FUBP3: variants seen among roughly 807,000 people sequenced by gnomAD.
FUBP3 encodes the protein far upstream element-binding protein 3.
A neutral mutation model predicts 85.6 loss-of-function variants in FUBP3; 28 were observed. That is an observed-to-expected ratio of 0.33 (90% CI 0.24 to 0.45). The LOEUF (loss-of-function observed/expected upper bound fraction) is 0.45, where lower values mean the gene tolerates loss of function less well. Among genes scored for constraint, FUBP3 ranks in the 20% least tolerant of loss-of-function variants. The pLI is 1.00. For missense variants in FUBP3, 583 were observed against 755.1 expected (o/e 0.77, Z 2.67); for synonymous variants, 271 against 271.4 (o/e 1.00, Z 0.01).
chr9:130,603,742 G>A lies in FUBP3; in HGVS notation c.191-6212G>A, dbSNP rs11791007. On this transcript the variant is annotated intron_variant, in intron 2 of 18. Transcript: ENST00000319725. ...ATGTACAATGCCTGTTACATTCTTC[G>A]CAGCTGTTAATAGGGAAGAAAAGTA... Among the ~76,000 whole-genome samples the A allele has an allele frequency of 1.4e-3, 218 of 152,226 alleles. 1 individual carries two copies. The highest frequency in any genetic ancestry group is 6.8e-3 in the Middle Eastern group (2 of 294).
intron 12 of FUBP3, among the ~76,000 whole-genome samples, chr9:130,628,126 ACC>A (rs374884849): frequency 0.035 from 4,825 of 137,844 alleles, 111 homozygotes; most frequent in Non-Finnish European, 0.049. Context: ...ACACACACAC[ACC>A]CCCTACCCCT....
At chr9:130,595,167 G>C (rs1045858933) in intron 1 of FUBP3, among the ~76,000 whole-genome samples, 1 of 149,896 alleles carries the variant, frequency 6.7e-6, no homozygotes, top group African/African-American at 2.5e-5. Flanking sequence ...CAAAGGTTGC[G>C]GTGAGCCAAG....
At chr9:130,631,025 G>C (rs970943541) in intron 13 of FUBP3, 1 of 681,538 alleles carries the variant, frequency 1.5e-6, no homozygotes, top group Non-Finnish European at 2.0e-6. Context: ...CGCAGCAGCC[G>C]AGGCCCCAGA....
chr9:130,622,358 A>G (rs552135398), intron 9 of FUBP3, among the ~76,000 whole-genome samples: 66 of 146,862 alleles, frequency 4.5e-4, no homozygotes, highest in Non-Finnish European at 7.9e-4. Flanking sequence ...CTGGCCAGAC[A>G]CAGTGGCTCA....
chr9:130,603,762 A>G (rs1831285243), intron 2 of FUBP3, among the ~76,000 whole-genome samples: 1 of 152,248 alleles, frequency 6.6e-6, no homozygotes, highest in Non-Finnish European at 1.5e-5. Context: ...ATAGGGAAGA[A>G]AAGTAGTTGC....
intron 1 of FUBP3, among the ~76,000 whole-genome samples, chr9:130,585,515 G>A (rs1299261831): frequency 1.3e-5 from 2 of 152,138 alleles, no homozygotes; most frequent in East Asian, 3.8e-4. Flanking sequence ...TTGATCTATA[G>A]GCTGTTTAAA....
At position 130,579,655 on chromosome 9, in the gene FUBP3, C is replaced by T. The variant is rs1193687466; in HGVS notation, c.-26C>T. On this transcript the variant is annotated 5_prime_UTR_variant, in exon 1 of 19. Coordinates refer to ENST00000319725, the MANE Select transcript of FUBP3 (RefSeq NM_003934.2). Reference sequence around the variant, plus strand: ...GCGGCGGCGTCGGCGGCGTCGGCGGCGGCGGCGACGGCGGCGGGGGCGGTA... The same window carrying T: ...GCGGCGGCGTCGGCGGCGTCGGCGGTGGCGGCGACGGCGGCGGGGGCGGTA... 4.2e-6 allele frequency: 5 copies of T among 1,193,896 alleles called. No homozygotes were observed. The highest frequency in any genetic ancestry group is 3.1e-5 in the African/African-American group (2 of 63,586). 74.0% of individuals were successfully genotyped at this position (1,193,896 alleles called of 1,614,324 possible).
chr9:130,581,911 G>A (rs1002817488), intron 1 of FUBP3: 3 of 152,178 alleles, frequency 2.0e-5, no homozygotes, highest in Non-Finnish European at 4.4e-5. Flanking sequence ...TAAGTTTGGT[G>A]TGTGAAGTCC....
rs1830364700 is a variant in FUBP3, at chr9:130,635,041, G to A, written c.1582+303G>A. On this transcript the variant is annotated intron_variant, in intron 17 of 18. Coordinates refer to ENST00000319725, the MANE Select transcript of FUBP3 (RefSeq NM_003934.2). This position sits in a 1 kb window ranked among gnomAD's most constrained non-coding sequence, Gnocchi z 4.3. ...GCACCTGGAAGTGTGGGCTCAGCTG[G>A]CGTCTGGTCTCCTTAGGGACTGAAA... Among the ~76,000 whole-genome samples, 1 of 152,130 alleles carries A rather than the reference G, an allele frequency of 6.6e-6. No individual in the cohort carries two copies. Among genetic ancestry groups the A allele is most frequent in the African/African-American group, 2.4e-5 (1 of 41,428 alleles).
rs139838092 is a variant in FUBP3 at position 130,613,203 on chromosome 9, G to A, written c.346+176G>A. 2.0e-3 allele frequency among the ~76,000 whole-genome samples: 309 copies of A among 152,330 alleles called. 3 individuals carry two copies. Among genetic ancestry groups the A allele is most frequent in the African/African-American group, 6.9e-3 (286 of 41,576 alleles). On this transcript the variant is annotated intron_variant, in intron 5 of 18. Transcript: ENST00000319725. ...GAAGGATCAGAGCAAAGGTGGGCCC[G>A]GAGATAAGGCCTCCTATCTGGCTTC...
chr9:130,630,869 A>G, intron 13 of FUBP3, 81 bp downstream of exon 13: 4 of 1,074,000 alleles, frequency 3.7e-6, no homozygotes, highest in Non-Finnish European at 5.1e-6. Context: ...TTTTCCCACC[A>G]CCTTGTGCTG....
rs754194553 is a variant in FUBP3, at chr9:130,635,951, A to C, written c.1583-48A>C. The C allele has an allele frequency of 1.3e-6, 2 of 1,595,916 alleles. No individual in the cohort carries two copies. Among genetic ancestry groups the C allele is most frequent in the East Asian group, 4.5e-5 (2 of 44,790 alleles). On this transcript the variant is annotated intron_variant, in intron 17 of 18. Transcript: ENST00000319725. This position sits in a 1 kb window ranked among gnomAD's most constrained non-coding sequence, Gnocchi z 4.3. ...AGGGCCTTTGGGAAGGGTCCTGCCC[A>C]GTGCACCTCCGCTCCCGATAACCTG...
chr9:130,600,122 T>TCCCTCTTTCC (rs1831082245), intron 2 of FUBP3, among the ~76,000 whole-genome samples: 1 of 64,088 alleles, frequency 1.6e-5, no homozygotes, highest in South Asian at 5.4e-4. Context: ...CCTCCCTCCC[T>TCCCTCTTTCC]CCCTCTTTCC....
At chr9:130,622,939 C>T in intron 10 of FUBP3, 129 bp downstream of exon 10, 1 of 451,830 alleles carries the variant, frequency 2.2e-6, no homozygotes, top group Non-Finnish European at 3.9e-6. Context: ...CTTTCTCATC[C>T]TTGCAACATC....
At chr9:130,619,526 T>C (rs1236512276) in intron 8 of FUBP3, among the ~76,000 whole-genome samples, 1 of 152,236 alleles carries the variant, frequency 6.6e-6, no homozygotes, top group Non-Finnish European at 1.5e-5. Flanking sequence ...TTATCTGGTA[T>C]CCAGTACATG....
At chr9:130,619,954 G>T (rs1489894294) in intron 8 of FUBP3, among the ~76,000 whole-genome samples, 1 of 152,152 alleles carries the variant, frequency 6.6e-6, no homozygotes, top group Non-Finnish European at 1.5e-5. Context: ...TGCCCTCAGT[G>T]GGCGCTCTTA....
Position 130,612,918 on chromosome 9 carries a change from T to C in FUBP3, c.275-38T>C, listed in dbSNP as rs377110628. The C allele has an allele frequency of 1.0e-4, 137 of 1,322,260 alleles. No homozygotes were observed. In the African/African-American group the frequency reaches 1.5e-3, roughly 14 times the overall value. The allele number at this position is 1,322,260 out of a possible 1,614,324, so 81.9% of individuals were successfully genotyped here. A position where few individuals can be genotyped will look rare whatever the true frequency, so the allele number is the denominator to read the frequency against. On this transcript the variant is annotated intron_variant, in intron 4 of 18. Transcript: ENST00000319725. The surrounding 1 kb of genome is among the most constrained non-coding windows in gnomAD (Gnocchi z 4.1). ...CATTCCTGCGTGGTGAAATATGGAA[T>C]AGGGGCGTGTATTCTGACCCTGTTC...
At chr9:130,613,530 G>T (rs949712400) in intron 5 of FUBP3, among the ~76,000 whole-genome samples, 1 of 152,218 alleles carries the variant, frequency 6.6e-6, no homozygotes, top group Non-Finnish European at 1.5e-5. Context: ...ATGCAACATG[G>T]AGAGAGATGG....
Position 130,579,629 on chromosome 9 carries a change from AGCGGCGGCGTCG to A in FUBP3, c.-45_-34del. Reference sequence around the variant, plus strand: ...AGCGGGAGGCCGGACCGGGGAGCCGAGCGGCGGCGTCGGCGGCGTCGGCGGCGGCGGCGACGG... The same window carrying A: ...AGCGGGAGGCCGGACCGGGGAGCCGAGCGGCGTCGGCGGCGGCGGCGACGG... On this transcript the variant is annotated 5_prime_UTR_variant, in exon 1 of 19. Coordinates refer to ENST00000319725, the MANE Select transcript of FUBP3 (RefSeq NM_003934.2). 8.9e-7 allele frequency: 1 copy of A among 1,121,070 alleles called. No homozygotes were observed. The allele number at this position is 1,121,070 out of a possible 1,614,324, so 69.4% of individuals were successfully genotyped here.
Sources: gnomAD v4.1 joint callset for allele counts (sites outside exome capture counted in the v4.1 genomes callset) on GRCh38, gnomAD v4.1.1 for gene constraint, Gnocchi (gnomAD v3.1) non-coding constraint, MANE v1.5 for transcripts, NCBI Gene and HGNC (gene_info 2026-07-23, HGNC 2026-07-21) for gene names.